Variants in FIGN observed in about 807,000 individuals in gnomAD.
FIGN encodes the protein fidgetin.
FIGN carries 11 observed loss-of-function variants against 51.3 expected under a neutral mutation model. The observed-to-expected ratio is 0.21, with a 90% CI of 0.13 to 0.35. The LOEUF is 0.35. Among genes scored for constraint, FIGN ranks in the 10% least tolerant of loss-of-function variants. The probability of loss-of-function intolerance (pLI) is 1.00; values close to 1 mark genes in which losing one functional copy is unlikely to be tolerated. For synonymous variants in FIGN, 407 were observed against 363.2 expected (o/e 1.12, Z -1.37); for missense variants, 857 against 943.6 (o/e 0.91, Z 1.20).
intron 2 of FIGN, among the ~76,000 whole-genome samples, chr2:163,622,335 A>C (rs2105306140): frequency 6.6e-6 from 1 of 152,168 alleles, no homozygotes; most frequent in African/African-American, 2.4e-5. Flanking sequence ...ACTGTCTCAA[A>C]AAAAATTAAT....
chr2:163,639,320 G>C (rs148724491), intron 2 of FIGN, among the ~76,000 whole-genome samples: 2 of 151,928 alleles, frequency 1.3e-5, no homozygotes, highest in African/African-American at 4.8e-5. Context: ...ACCATGACAG[G>C]TTCCAGAAAA....
Position 163,692,690 on chromosome 2 carries a change from G to A in FIGN, c.25+42213C>T, listed in dbSNP as rs530261870. Among the ~76,000 whole-genome samples, 281 of 152,238 alleles carry A rather than the reference G, an allele frequency of 1.8e-3. 1 individual carries two copies. Among genetic ancestry groups the A allele is most frequent in the African/African-American group, 6.2e-3 (258 of 41,540 alleles). ...GACATTCAGTCAGTGAAAATAAAAGGAGAAAGCATTAACTTTTAACAGTGG... is the reference window on the plus strand; with the variant it reads ...GACATTCAGTCAGTGAAAATAAAAGAAGAAAGCATTAACTTTTAACAGTGG... On this transcript the variant is annotated intron_variant, in intron 2 of 2. Coordinates refer to ENST00000333129, the MANE Select transcript of FIGN (RefSeq NM_018086.4).
At chr2:163,712,174 A>G (rs906040728) in intron 2 of FIGN, among the ~76,000 whole-genome samples, 2 of 152,212 alleles carry the variant, frequency 1.3e-5, no homozygotes, top group Admixed American at 6.5e-5. Flanking sequence ...AAAAGAAAGA[A>G]AAAAGGCCAC....
At chr2:163,730,960 A>T (rs1040721048) in intron 2 of FIGN, among the ~76,000 whole-genome samples, 1 of 152,198 alleles carries the variant, frequency 6.6e-6, no homozygotes, top group African/African-American at 2.4e-5. Flanking sequence ...GTAAAATAGC[A>T]CCTTTCTATT....
intron 2 of FIGN, among the ~76,000 whole-genome samples, chr2:163,661,014 G>C (rs1392700116): frequency 7.1e-6 from 1 of 141,822 alleles, no homozygotes; most frequent in Non-Finnish European, 1.5e-5. Context: ...CTCCCAAGTA[G>C]CTGGTATTAC....
At position 163,621,839 on chromosome 2, in the gene FIGN, G is replaced by A. The variant is rs1682978064; in HGVS notation, c.26-10033C>T. 3.9e-5 allele frequency among the ~76,000 whole-genome samples: 6 copies of A among 152,246 alleles called. No homozygotes were observed. In the South Asian group the frequency reaches 1.0e-3, roughly 26 times the overall value. On this transcript the variant is annotated intron_variant, in intron 2 of 2. Transcript: ENST00000333129. ...GGAGAGGATATCAGCATCTTCAAAGGAAGTGGCATTTCCTTTCCTGGAGAG... is the reference window on the plus strand; with the variant it reads ...GGAGAGGATATCAGCATCTTCAAAGAAAGTGGCATTTCCTTTCCTGGAGAG...
At position 163,610,458 on chromosome 2, in the gene FIGN, G is replaced by C. The variant is rs769689570; in HGVS notation, c.1374C>G (p.Asp458Glu). 1 of 1,614,134 alleles carries C rather than the reference G, an allele frequency of 6.2e-7. No individual in the cohort carries two copies. Among genetic ancestry groups the C allele is most frequent in the Non-Finnish European group, 8.5e-7 (1 of 1,180,032 alleles). The stretch of plus-strand genomic sequence containing the variant: ...GCGTGTCAGTATTCTTCAGTTGCTC[G>C]TCCACAGAGTGGTTGGATGAGGTAG... ...RAATSSNHSV[D>E]EQLKNTDTHL... Residue 458 changes from aspartate to glutamate, a missense_variant, in exon 3 of 3, where the codon GAC (aspartate) becomes GAG (glutamate). This residue lies in a region of FIGN where 799 missense variants were observed against 849.5 expected (regional missense o/e 0.94). Coordinates refer to ENST00000333129, the MANE Select transcript of FIGN (RefSeq NM_018086.4).
chr2:163,669,039 C>T (rs910782451), intron 2 of FIGN, among the ~76,000 whole-genome samples: 3 of 125,430 alleles, frequency 2.4e-5, no homozygotes, highest in African/African-American at 1.2e-4. Flanking sequence ...TATATATACA[C>T]TATAAATTCT....
At chr2:163,657,533 C>T (rs1281752624) in intron 2 of FIGN, among the ~76,000 whole-genome samples, 2 of 85,318 alleles carry the variant, frequency 2.3e-5, no homozygotes, top group East Asian at 5.3e-4. Context: ...TGTGTGTGTG[C>T]ATGCACATGA....
At chr2:163,659,229 T>C (rs1458587034) in intron 2 of FIGN, among the ~76,000 whole-genome samples, 1 of 152,190 alleles carries the variant, frequency 6.6e-6, no homozygotes, top group Non-Finnish European at 1.5e-5. Context: ...AAAATCACAA[T>C]AGTGCAAACC....
intron 2 of FIGN, among the ~76,000 whole-genome samples, chr2:163,694,565 T>C (rs1684287503): frequency 6.6e-6 from 1 of 152,134 alleles, no homozygotes; most frequent in African/African-American, 2.4e-5. Flanking sequence ...TAGAACTGGA[T>C]GAAAACATAG....
chr2:163,727,669 T>G (rs1456742227), intron 2 of FIGN, among the ~76,000 whole-genome samples: 1 of 152,170 alleles, frequency 6.6e-6, no homozygotes, highest in Non-Finnish European at 1.5e-5. Context: ...CATAAAAGAA[T>G]AGTTACTTTT....
At chr2:163,683,449 T>C (rs929263619) in intron 2 of FIGN, among the ~76,000 whole-genome samples, 8 of 152,170 alleles carry the variant, frequency 5.3e-5, no homozygotes, top group Non-Finnish European at 1.0e-4. Flanking sequence ...TATAAAGGCC[T>C]GGGCTAGGCT....
chr2:163,711,667 A>AC (rs1684590532), intron 2 of FIGN, among the ~76,000 whole-genome samples: 2 of 151,746 alleles, frequency 1.3e-5, no homozygotes, highest in South Asian at 4.2e-4. Context: ...CAAAAAAAAA[A>AC]AAAAAACTAT....
intron 2 of FIGN, among the ~76,000 whole-genome samples, chr2:163,731,931 C>A (rs1013484398): frequency 3.3e-5 from 5 of 152,082 alleles, no homozygotes; most frequent in African/African-American, 1.2e-4. Flanking sequence ...AAACTCCCAC[C>A]CTACTCTTCC....
intron 2 of FIGN, among the ~76,000 whole-genome samples, chr2:163,631,706 G>C (rs894019057): frequency 1.3e-5 from 2 of 152,076 alleles, no homozygotes; most frequent in Admixed American, 1.3e-4. Context: ...CCCCCTACTA[G>C]ACTAATCTCT....
intron 2 of FIGN, among the ~76,000 whole-genome samples, chr2:163,625,915 T>C (rs767157714): frequency 3.3e-5 from 5 of 152,014 alleles, no homozygotes; most frequent in Admixed American, 6.6e-5. Context: ...AATCAATAAA[T>C]GAAAAAGTAC....
intron 2 of FIGN, among the ~76,000 whole-genome samples, chr2:163,692,490 A>G (rs562847259): frequency 6.6e-6 from 1 of 152,358 alleles, no homozygotes; most frequent in Non-Finnish European, 1.5e-5. Flanking sequence ...TGTTTCTTCA[A>G]TTAAATGAAA....
intron 2 of FIGN, among the ~76,000 whole-genome samples, chr2:163,651,795 G>A (rs970620282): frequency 1.3e-5 from 2 of 152,110 alleles, no homozygotes; most frequent in African/African-American, 4.8e-5. Flanking sequence ...TACATCGTGG[G>A]CAAATGTATT....
Sources: gnomAD v4.1 joint callset for allele counts (sites outside exome capture counted in the v4.1 genomes callset) on GRCh38, gnomAD v4.1.1 for gene constraint, gnomAD v4.1.1 regional missense constraint, MANE v1.5 for transcripts, NCBI Gene and HGNC (gene_info 2026-07-23, HGNC 2026-07-21) for gene names.